DOK5: variants seen among roughly 807,000 people sequenced by gnomAD.
The protein encoded by DOK5 is downstream of tyrosine kinase 5.
A neutral mutation model predicts 43.3 loss-of-function variants in DOK5; 27 were observed. That is an observed-to-expected ratio of 0.62 (90% CI 0.46 to 0.86). DOK5 has a LOEUF of 0.86. Ranked by LOEUF, DOK5 falls within the 40% of genes least tolerant of loss-of-function variation. The pLI, the probability that DOK5 is intolerant of heterozygous loss-of-function variation, is 0.00. For missense variants in DOK5, 373 were observed against 392.9 expected (o/e 0.95, Z 0.43); for synonymous variants, 146 against 140.1 (o/e 1.04, Z -0.30).
chr20:54,501,070 A>G (rs1982578643), intron 1 of DOK5, among the ~76,000 whole-genome samples: 1 of 152,312 alleles, frequency 6.6e-6, no homozygotes, highest in Admixed American at 6.5e-5. Context: ...GGATGTGATA[A>G]TGAAGTTAGA....
chr20:54,643,730 T>G lies in DOK5; in HGVS notation c.856+152T>G, dbSNP rs1380427727. The G allele has an allele frequency of 4.0e-6, 4 of 1,001,770 alleles. No homozygotes were observed. The African/African-American group carries it at 6.5e-5, about 16-fold the overall frequency. The allele number at this position is 1,001,770 out of a possible 1,614,324, so 62.1% of individuals were successfully genotyped here. ...CATCAAGGCCTCACACACGAGGCAC[T>G]TAATCTTTGTAGAGCCAAATATCTG... is the stretch of plus-strand genomic sequence containing the variant. On this transcript the variant is annotated intron_variant, in intron 7 of 7. Coordinates refer to ENST00000262593, the MANE Select transcript of DOK5 (RefSeq NM_018431.5).
intron 1 of DOK5, among the ~76,000 whole-genome samples, chr20:54,518,173 T>C (rs1983264929): frequency 6.6e-6 from 1 of 152,190 alleles, no homozygotes; most frequent in African/African-American, 2.4e-5. Context: ...GTGCACAACA[T>C]GCAAGTTTGT....
chr20:54,579,226 CATATTACCA>C (rs1427001785), intron 2 of DOK5, among the ~76,000 whole-genome samples: 2 of 151,724 alleles, frequency 1.3e-5, no homozygotes. Flanking sequence ...TTCTTATTAC[CATATTACCA>C]TTAATACAAG....
At chr20:54,537,776 C>A (rs1359116486) in intron 1 of DOK5, among the ~76,000 whole-genome samples, 1 of 151,354 alleles carries the variant, frequency 6.6e-6, no homozygotes, top group East Asian at 1.9e-4. Flanking sequence ...TCCTCATCTA[C>A]CATTGCTGAC....
chr20:54,625,432 T>A (rs1164154113), intron 6 of DOK5, among the ~76,000 whole-genome samples: 8 of 152,178 alleles, frequency 5.3e-5, no homozygotes, highest in Non-Finnish European at 1.2e-4. Flanking sequence ...GGAAATACAG[T>A]TAAGGTGCCT....
chr20:54,647,821 T>C (rs1049718809), intron 7 of DOK5, among the ~76,000 whole-genome samples: 2 of 152,208 alleles, frequency 1.3e-5, no homozygotes, highest in Admixed American at 1.3e-4. Flanking sequence ...CTGATTAAAC[T>C]TGTTTAAACC....
At chr20:54,646,794 T>C (rs1436334123) in intron 7 of DOK5, among the ~76,000 whole-genome samples, 1 of 152,114 alleles carries the variant, frequency 6.6e-6, no homozygotes, top group South Asian at 2.1e-4. Flanking sequence ...GGGTGTGCCA[T>C]ATGATGAAGT....
chr20:54,581,967 C>T (rs1985657625), intron 2 of DOK5, among the ~76,000 whole-genome samples: 1 of 151,868 alleles, frequency 6.6e-6, no homozygotes, highest in Non-Finnish European at 1.5e-5. Context: ...TTTTGACTTG[C>T]TCCTGATCTT....
Position 54,637,888 on chromosome 20 carries a change from C to T in DOK5, c.736-5570C>T, listed in dbSNP as rs560029584. Among the ~76,000 whole-genome samples, 26 of 152,246 alleles carry T rather than the reference C, an allele frequency of 1.7e-4. No homozygotes were observed. In the East Asian group the frequency reaches 3.3e-3, roughly 19 times the overall value. On this transcript the variant is annotated intron_variant, in intron 6 of 7. Coordinates refer to ENST00000262593, the MANE Select transcript of DOK5 (RefSeq NM_018431.5). ...CTGTAATCCCAGCACTTTGGGAGGC[C>T]AAGGCGGGCAGATCACAAGGTCAGG...
chr20:54,501,390 C>T (rs1004433654), intron 1 of DOK5, among the ~76,000 whole-genome samples: 1 of 149,094 alleles, frequency 6.7e-6, no homozygotes, highest in Non-Finnish European at 1.5e-5. Flanking sequence ...TGGCATGAAC[C>T]CGGGAGGCGG....
intron 1 of DOK5, among the ~76,000 whole-genome samples, chr20:54,511,905 T>G (rs1487696261): frequency 6.6e-6 from 1 of 152,230 alleles, no homozygotes; most frequent in East Asian, 1.9e-4. Flanking sequence ...AGCCTGGCCT[T>G]CATTGGCCAA....
intron 1 of DOK5, among the ~76,000 whole-genome samples, chr20:54,523,745 A>G (rs1254353204): frequency 6.7e-6 from 1 of 150,168 alleles, no homozygotes; most frequent in Non-Finnish European, 1.5e-5. Flanking sequence ...AGCTGGGATT[A>G]CAGGTGTGCA....
chr20:54,523,230 C>T (rs1045608777), intron 1 of DOK5, among the ~76,000 whole-genome samples: 1 of 152,182 alleles, frequency 6.6e-6, no homozygotes, highest in Non-Finnish European at 1.5e-5. Flanking sequence ...GGGCACTTAA[C>T]TTCAAAGCTC....
At chr20:54,487,706 C>A (rs1228161780) in intron 1 of DOK5, among the ~76,000 whole-genome samples, 1 of 152,152 alleles carries the variant, frequency 6.6e-6, no homozygotes, top group African/African-American at 2.4e-5. Flanking sequence ...GGAAAAAACT[C>A]CCATGTACCC....
At chr20:54,611,191 T>C (rs1986640009) in intron 6 of DOK5, among the ~76,000 whole-genome samples, 1 of 152,150 alleles carries the variant, frequency 6.6e-6, no homozygotes, top group Non-Finnish European at 1.5e-5. Context: ...CATAAACACA[T>C]AGCACACATA....
intron 5 of DOK5, among the ~76,000 whole-genome samples, chr20:54,601,074 C>T (rs1363204302): frequency 6.6e-6 from 1 of 152,172 alleles, no homozygotes; most frequent in African/African-American, 2.4e-5. Context: ...GATTTACTGA[C>T]AGACTGGATG....
intron 2 of DOK5, among the ~76,000 whole-genome samples, chr20:54,562,763 C>T (rs1984952203): frequency 6.6e-6 from 1 of 151,670 alleles, no homozygotes; most frequent in Non-Finnish European, 1.5e-5. Flanking sequence ...CTAAAACATA[C>T]AGAAGGTTAA....
chr20:54,536,255 A>G (rs1458525096), intron 1 of DOK5, among the ~76,000 whole-genome samples: 1 of 152,198 alleles, frequency 6.6e-6, no homozygotes, highest in East Asian at 1.9e-4. Flanking sequence ...AGATGGTGAC[A>G]TCATGGTAGA....
chr20:54,601,710 G>T (rs1986303767), intron 5 of DOK5, among the ~76,000 whole-genome samples: 1 of 152,214 alleles, frequency 6.6e-6, no homozygotes. Flanking sequence ...GTGTGGCCCT[G>T]CACAGTCTGC....
Sources: allele counts gnomAD v4.1 joint callset (sites outside exome capture counted in the v4.1 genomes callset), GRCh38; gene constraint gnomAD v4.1.1; transcripts MANE v1.5; gene names NCBI Gene and HGNC (gene_info 2026-07-23, HGNC 2026-07-21).